Variants in SULT1B1 observed in about 807,000 individuals in gnomAD.
The protein encoded by SULT1B1 is sulfotransferase family 1B member 1.
In SULT1B1, 28 loss-of-function variants were observed where a neutral mutation model predicts 34.6. The observed-to-expected ratio is 0.81, with a 90% CI of 0.60 to 1.11. SULT1B1 has a LOEUF of 1.11. SULT1B1 is among the 50% of genes least tolerant of loss of function. SULT1B1 has a pLI of 0.00. For synonymous variants in SULT1B1, 147 were observed against 110.2 expected, an observed-to-expected ratio of 1.33 and a Z score of -2.09; for missense variants, 374 against 352.2, an observed-to-expected ratio of 1.06 and a Z score of -0.50.
chr4:69,744,029 A>G (rs1386642874), intron 4 of SULT1B1, among the ~76,000 whole-genome samples: 1 of 152,074 alleles, frequency 6.6e-6, no homozygotes, highest in Non-Finnish European at 1.5e-5. Context: ...CGCTGCTGTA[A>G]CTGTGCCCAG....
At position 69,754,053 on chromosome 4, in the gene SULT1B1, C is replaced by CT. The variant is rs370865928; in HGVS notation, c.277+616dup. ...GCTCAATTAAACTCATTTAATTTGTCTAAGTTTTTTTCCTTTATTACCCAC... is the reference window on the plus strand; with the variant it reads ...GCTCAATTAAACTCATTTAATTTGTCTTAAGTTTTTTTCCTTTATTACCCAC... On this transcript the variant is annotated intron_variant, in intron 3 of 7. Coordinates refer to ENST00000310613, the MANE Select transcript of SULT1B1 (RefSeq NM_014465.4). 1.3e-3 allele frequency among the ~76,000 whole-genome samples: 191 copies of CT among 152,240 alleles called. 1 individual carries two copies. The highest frequency in any genetic ancestry group is 4.3e-3 in the African/African-American group (180 of 41,548).
At chr4:69,754,522 C>A (rs1156623766) in intron 3 of SULT1B1, 148 bp downstream of exon 3, 2 of 668,844 alleles carry the variant, frequency 3.0e-6, no homozygotes, top group Non-Finnish European at 4.8e-6. Flanking sequence ...AATAAAGTTT[C>A]TTCTTATTCT....
At chr4:69,733,327 A>G (rs1718156755) in intron 6 of SULT1B1, 86 bp downstream of exon 6, 2 of 930,396 alleles carry the variant, frequency 2.1e-6, no homozygotes, top group Admixed American at 2.6e-5. Context: ...TTTGGACTCG[A>G]TAGACTAAGT....
chr4:69,755,095 A>G lies in SULT1B1; in HGVS notation c.123T>C (p.Ile41=). 1 of 1,613,646 alleles carries G rather than the reference A, an allele frequency of 6.2e-7. No individual in the cohort carries two copies. Among genetic ancestry groups the G allele is most frequent in the Non-Finnish European group, 8.5e-7 (1 of 1,179,612 alleles). ...CTGATTTAGGATAAGTGGCTATCACAATGTCATCTGGTCTGCTATGGAACT... is the reference window on the plus strand; with the variant it reads ...CTGATTTAGGATAAGTGGCTATCACGATGTCATCTGGTCTGCTATGGAACT... The part of the protein sequence containing the change: ...IEQFHSRPDD[I]VIATYPKSGT... Residue 41 remains isoleucine (I), a synonymous_variant, in exon 2 of 8, where the codon ATT becomes ATC. Transcript: ENST00000310613.
intron 3 of SULT1B1, among the ~76,000 whole-genome samples, chr4:69,751,850 A>G (rs995334072): frequency 1.3e-5 from 2 of 152,130 alleles, no homozygotes; most frequent in South Asian, 2.1e-4. Flanking sequence ...TCTATCCCCA[A>G]TCCTGCCTTC....
intron 6 of SULT1B1, among the ~76,000 whole-genome samples, chr4:69,733,090 A>T (rs1718147014): frequency 6.6e-6 from 1 of 152,180 alleles, no homozygotes; most frequent in Admixed American, 6.5e-5. Context: ...AACAATTTTT[A>T]AAAACAATGT....
intron 1 of SULT1B1, 63 bp downstream of exon 1, chr4:69,760,396 C>T (rs1719346070): frequency 5.6e-6 from 1 of 179,044 alleles, no homozygotes. Flanking sequence ...TGTTCTGAGG[C>T]ACACAATATT....
At chr4:69,753,146 G>A (rs541953287) in intron 3 of SULT1B1, among the ~76,000 whole-genome samples, 1 of 152,038 alleles carries the variant, frequency 6.6e-6, no homozygotes, top group Non-Finnish European at 1.5e-5. Context: ...TTTCTCCAAT[G>A]TCACAAAGCT....
At chr4:69,739,419 G>A (rs916838411) in intron 4 of SULT1B1, among the ~76,000 whole-genome samples, 1 of 152,194 alleles carries the variant, frequency 6.6e-6, no homozygotes, top group South Asian at 2.1e-4. Context: ...TGTGGAAGCT[G>A]CCAAAGCTTG....
intron 2 of SULT1B1, 80 bp from the exon 3 acceptor site, chr4:69,754,878 A>T: frequency 6.8e-7 from 1 of 1,470,054 alleles, no homozygotes. Context: ...AAACACTACC[A>T]TCTTAACACA....
At position 69,725,676 on chromosome 4, in the gene SULT1B1, G is replaced by A. The variant is rs913829438; in HGVS notation, c.*1412C>T. 2 of 152,002 alleles carry A rather than the reference G, an allele frequency of 1.3e-5. No individual in the cohort carries two copies. Among genetic ancestry groups the A allele is most frequent in the African/African-American group, 2.4e-5 (1 of 41,358 alleles). 9.4% of individuals were successfully genotyped at this position (152,002 alleles called of 1,614,324 possible). Reference sequence around the variant, plus strand: ...GAAAATGTGGCACATATACACCATAGAATACTGTGCAGCCATAAAAAATGA... The same window carrying A: ...GAAAATGTGGCACATATACACCATAAAATACTGTGCAGCCATAAAAAATGA... On this transcript the variant is annotated 3_prime_UTR_variant, in exon 8 of 8. Coordinates refer to ENST00000310613, the MANE Select transcript of SULT1B1 (RefSeq NM_014465.4).
chr4:69,738,174 T>A (rs904045124), intron 4 of SULT1B1, among the ~76,000 whole-genome samples: 5 of 152,224 alleles, frequency 3.3e-5, no homozygotes, highest in Non-Finnish European at 7.3e-5. Context: ...GCATCCATGT[T>A]GCTGCAGAAA....
intron 4 of SULT1B1, among the ~76,000 whole-genome samples, chr4:69,737,974 A>T (rs1254476311): frequency 3.3e-5 from 5 of 152,142 alleles, no homozygotes; most frequent in Non-Finnish European, 7.4e-5. Context: ...TAGTGAGCAT[A>T]TTACCTGATA....
chr4:69,751,414 T>C (rs1448200543), intron 3 of SULT1B1, among the ~76,000 whole-genome samples: 1 of 152,206 alleles, frequency 6.6e-6, no homozygotes, highest in Non-Finnish European at 1.5e-5. Flanking sequence ...TAGCAATGTA[T>C]AAAGACAACA....
rs115623360 is a variant in SULT1B1 at position 69,728,241 on chromosome 4, T to C, written c.779-1041A>G. On this transcript the variant is annotated intron_variant, in intron 7 of 7. Coordinates refer to ENST00000310613, the MANE Select transcript of SULT1B1 (RefSeq NM_014465.4). ...TCATTCCAGTGATCTGATCTGCATA[T>C]AAATTTTATAATATACGCAAACACA... 3.8e-3 allele frequency among the ~76,000 whole-genome samples: 575 copies of C among 152,190 alleles called. 5 individuals carry two copies. Among genetic ancestry groups the C allele is most frequent in the African/African-American group, 0.013 (545 of 41,570 alleles).
rs763736914 is a variant in SULT1B1, at chr4:69,752,479, CTTAA to C, written c.277+2187_277+2190del. On this transcript the variant is annotated intron_variant, in intron 3 of 7. Transcript: ENST00000310613. ...AATGCCACTTAAGTGTTTAAAGGAGCTTAATTAAATAAAACTTGGATTGAATATT... is the reference window on the plus strand; with the variant it reads ...AATGCCACTTAAGTGTTTAAAGGAGCTTAAATAAAACTTGGATTGAATATT... Among the ~76,000 whole-genome samples, 47 of 152,078 alleles carry C rather than the reference CTTAA, an allele frequency of 3.1e-4. 1 individual carries two copies. Among genetic ancestry groups the C allele is most frequent in the African/African-American group, 7.2e-4 (30 of 41,474 alleles).
chr4:69,742,343 C>A (rs1718582907), intron 4 of SULT1B1, among the ~76,000 whole-genome samples: 1 of 152,044 alleles, frequency 6.6e-6, no homozygotes, highest in South Asian at 2.1e-4. Context: ...TTTTGTTGTG[C>A]CTCTTCCAGG....
intron 7 of SULT1B1, among the ~76,000 whole-genome samples, chr4:69,729,117 C>T (rs193261919): frequency 4.6e-5 from 7 of 152,076 alleles, no homozygotes; most frequent in Non-Finnish European, 5.9e-5. Flanking sequence ...ATTATATTCA[C>T]GTATCTATCA....
In SULT1B1 at chr4:69,723,217, C is replaced by G. The variant is rs879910062; in HGVS notation, c.*3871G>C. 1.9e-4 allele frequency: 29 copies of G among 151,992 alleles called. No homozygotes were observed. The highest frequency in any genetic ancestry group is 1.8e-3 in the Admixed American group (28 of 15,228). The allele number at this position is 151,992 out of a possible 1,614,324, so 9.4% of individuals were successfully genotyped here. On this transcript the variant is annotated 3_prime_UTR_variant, in exon 8 of 8. Coordinates refer to ENST00000310613, the MANE Select transcript of SULT1B1 (RefSeq NM_014465.4). Reference sequence around the variant, plus strand: ...CACCACCGATGATCCCACAGAAATACAAACTACCGTCAGAGAATACTAAAA... The same window carrying G: ...CACCACCGATGATCCCACAGAAATAGAAACTACCGTCAGAGAATACTAAAA...
Sources: gnomAD v4.1 joint callset for allele counts (sites outside exome capture counted in the v4.1 genomes callset) on GRCh38, gnomAD v4.1.1 for gene constraint, MANE v1.5 for transcripts, NCBI Gene and HGNC (gene_info 2026-07-23, HGNC 2026-07-21) for gene names.